Variants in CPAMD8 observed in about 807,000 individuals in gnomAD.
CPAMD8 encodes C3 and PZP-like alpha-2-macroglobulin domain-containing protein 8.
A neutral mutation model predicts 224.7 loss-of-function variants in CPAMD8; 146 were observed. The ratio of observed to expected loss-of-function variants is 0.65; its 90% CI spans 0.57 to 0.75. The LOEUF (loss-of-function observed/expected upper bound fraction) is 0.75, where lower values mean the gene tolerates loss of function less well. Among genes scored for constraint, CPAMD8 ranks in the 30% least tolerant of loss-of-function variants. CPAMD8 has a pLI of 0.00. For missense variants in CPAMD8, 2,301 were observed against 2,537.5 expected (o/e 0.91, Z 2.00); for synonymous variants, 966 against 1,044.6 (o/e 0.92, Z 1.45).
At chr19:16,962,756 T>A (rs1466783630) in intron 18 of CPAMD8, among the ~76,000 whole-genome samples, 1 of 151,928 alleles carries the variant, frequency 6.6e-6, no homozygotes, top group South Asian at 2.1e-4. Context: ...TCACCAAAGT[T>A]GAAATGAAGG....
At chr19:16,968,617 T>C (rs1015750836) in intron 18 of CPAMD8, among the ~76,000 whole-genome samples, 11 of 151,906 alleles carry the variant, frequency 7.2e-5, no homozygotes, top group Admixed American at 7.2e-4. Flanking sequence ...CTCTAATGGC[T>C]TAAGTGTTTT....
intron 18 of CPAMD8, 142 bp downstream of exon 18, chr19:16,970,749 G>A (rs1359820080): frequency 1.0e-5 from 8 of 795,140 alleles, no homozygotes; most frequent in Middle Eastern, 2.7e-4. Context: ...CAAGCCCCAA[G>A]AACCATGTGA....
intron 27 of CPAMD8, 56 bp from the exon 28 acceptor site, chr19:16,914,869 C>G: frequency 1.5e-6 from 2 of 1,352,836 alleles, no homozygotes; most frequent in East Asian, 4.8e-5. Flanking sequence ...CCCCCACATG[C>G]TGGCTGAGGG....
chr19:16,910,567 A>C (rs1005710235), intron 29 of CPAMD8: 3 of 151,826 alleles, frequency 2.0e-5, no homozygotes, highest in Non-Finnish European at 4.4e-5. Context: ...TGATCAGCAC[A>C]GGAGTTTTGA....
chr19:16,979,386 T>TCATCCATCTGTCCATTCATC (rs2055413447), intron 14 of CPAMD8, among the ~76,000 whole-genome samples: 1 of 133,452 alleles, frequency 7.5e-6, no homozygotes, highest in African/African-American at 3.0e-5. Context: ...ATCTGTCCAT[T>TCATCCATCTGTCCATTCATC]CATCCATCCA....
chr19:16,990,863 C>CAAAAAAAAAAAAAAAAAAAAAAAAA (rs3067791), intron 12 of CPAMD8, among the ~76,000 whole-genome samples: 3 of 73,176 alleles, frequency 4.1e-5, no homozygotes, highest in South Asian at 6.1e-4. Flanking sequence ...AACTCTGTCT[C>CAAAAAAAAAAAAAAAAAAAAAAAAA]AAAAAAAAAA....
chr19:16,901,081 G>A, intron 36 of CPAMD8, 129 bp downstream of exon 36: 1 of 603,748 alleles, frequency 1.7e-6, no homozygotes, highest in Non-Finnish European at 3.0e-6. Flanking sequence ...GGGAGAGGGA[G>A]AGGGAAGAAA....
intron 19 of CPAMD8, among the ~76,000 whole-genome samples, chr19:16,956,336 C>A (rs758821838): frequency 6.6e-6 from 1 of 152,056 alleles, no homozygotes; most frequent in Non-Finnish European, 1.5e-5. Context: ...CAGCTTGGGC[C>A]CTACATTGAG....
chr19:17,003,916 T>C (rs926457051), intron 8 of CPAMD8, among the ~76,000 whole-genome samples: 1 of 151,598 alleles, frequency 6.6e-6, no homozygotes, highest in African/African-American at 2.4e-5. Context: ...TCTTTTTCTT[T>C]TTTTTTTTGA....
chr19:16,941,122 G>A (rs953819906), intron 22 of CPAMD8, among the ~76,000 whole-genome samples: 4 of 152,070 alleles, frequency 2.6e-5, no homozygotes, highest in Non-Finnish European at 2.9e-5. Flanking sequence ...TAGTAGAGAC[G>A]GGGTTTCACC....
chr19:17,015,839 T>C (rs1011594593), intron 3 of CPAMD8, among the ~76,000 whole-genome samples: 6 of 152,130 alleles, frequency 3.9e-5, no homozygotes, highest in African/African-American at 1.4e-4. Flanking sequence ...GAGACTATGC[T>C]GAGCACATAA....
intron 35 of CPAMD8, among the ~76,000 whole-genome samples, chr19:16,901,860 C>G (rs758327076): frequency 2.6e-4 from 39 of 152,132 alleles, no homozygotes; most frequent in Non-Finnish European, 4.9e-4. Flanking sequence ...GGGAGTGCAC[C>G]AAGCTGGACT....
intron 11 of CPAMD8, among the ~76,000 whole-genome samples, chr19:16,994,153 T>C (rs1326627320): frequency 1.3e-5 from 2 of 152,116 alleles, no homozygotes; most frequent in Non-Finnish European, 1.5e-5. Flanking sequence ...TCACACCATA[T>C]ACAAAAATAA....
intron 8 of CPAMD8, among the ~76,000 whole-genome samples, chr19:17,003,045 G>A (rs2056382235): frequency 6.6e-6 from 1 of 151,964 alleles, no homozygotes; most frequent in East Asian, 1.9e-4. Flanking sequence ...TGGGACTGCA[G>A]GCACATGCCA....
intron 27 of CPAMD8, among the ~76,000 whole-genome samples, chr19:16,915,402 GA>G (rs1287802522): frequency 1.3e-5 from 2 of 152,140 alleles, no homozygotes; most frequent in East Asian, 1.9e-4. Flanking sequence ...GGGATGGAAG[GA>G]AAAAAACGAG....
At chr19:17,009,479 G>T in intron 5 of CPAMD8, 159 bp from the exon 6 acceptor site, 1 of 1,290,064 alleles carries the variant, frequency 7.8e-7, no homozygotes, top group South Asian at 1.4e-5. Context: ...ACCCCAAGTA[G>T]GGTCTTTAGA....
chr19:16,983,781 T>C (rs1258281623), intron 13 of CPAMD8, among the ~76,000 whole-genome samples: 1 of 152,166 alleles, frequency 6.6e-6, no homozygotes, highest in Non-Finnish European at 1.5e-5. Flanking sequence ...TTATGACAAA[T>C]GGATCATAGT....
chr19:16,928,145 G>A lies in CPAMD8; in HGVS notation c.3234C>T (p.Ser1078=). The A allele has an allele frequency of 6.2e-7, 1 of 1,614,184 alleles. No homozygotes were observed. Among genetic ancestry groups the A allele is most frequent in the Non-Finnish European group, 8.5e-7 (1 of 1,180,030 alleles). ...ATTCACCCATGGAGCCCCAGCCGGT[G>A]GAAAAGCCAATGAACTGGACCTCTG... ...RPPEVQFIGF[S]TGWGSMGEFR... Residue 1078 remains serine (S), a synonymous_variant, in exon 25 of 42, where the codon TCC becomes TCT. Transcript: ENST00000443236.
At chr19:16,925,426 A>G in intron 25 of CPAMD8, 54 bp from the exon 26 acceptor site, 1 of 1,422,176 alleles carries the variant, frequency 7.0e-7, no homozygotes. Flanking sequence ...TCAGTAGAGA[A>G]CAGGGACAGC....
Sources: allele counts gnomAD v4.1 joint callset (sites outside exome capture counted in the v4.1 genomes callset), GRCh38; gene constraint gnomAD v4.1.1; transcripts MANE v1.5; gene names NCBI Gene and HGNC (gene_info 2026-07-23, HGNC 2026-07-21).